COL22A1: variants seen among roughly 807,000 people sequenced by gnomAD.
COL22A1 encodes the protein collagen alpha-1(XXII) chain.
COL22A1 carries 221 observed loss-of-function variants against 248.9 expected under a neutral mutation model. The observed-to-expected ratio is 0.89, with a 90% CI of 0.80 to 0.99. COL22A1 has a LOEUF of 0.99. COL22A1 is among the 50% of genes least tolerant of loss of function. The probability of loss-of-function intolerance (pLI) is 0.00; values close to 1 mark genes in which losing one functional copy is unlikely to be tolerated. For synonymous variants in COL22A1, 891 were observed against 793.4 expected, an observed-to-expected ratio of 1.12 and a Z score of -2.07; for missense variants, 2,240 against 2,179.0, an observed-to-expected ratio of 1.03 and a Z score of -0.56.
chr8:138,688,049 G>T (rs1289223003), intron 37 of COL22A1, among the ~76,000 whole-genome samples: 1 of 152,210 alleles, frequency 6.6e-6, no homozygotes, highest in East Asian at 1.9e-4. Flanking sequence ...ATTCAAATGA[G>T]TACGTCTGAT....
chr8:138,716,282 G>C lies in COL22A1; in HGVS notation c.2408C>G (p.Ala803Gly), dbSNP rs761120592. The change falls in exon 29 of 65, where the codon GCA becomes GGA. Residue 803 changes from alanine (A) to glycine (G), a missense_variant. Ala to Gly is a moderately conservative substitution (Grantham distance 60). Transcript: ENST00000303045. Reference protein sequence around the residue: ...LAGRPGEKGEAGLPGAPGFPG... With the variant: ...LAGRPGEKGEGGLPGAPGFPG... ...GAAGCCTGGAGCCCCTGGGAGGCCTGCTTCTCCCTGTGAGAACAAAATATT... is the reference window on the plus strand; with the variant it reads ...GAAGCCTGGAGCCCCTGGGAGGCCTCCTTCTCCCTGTGAGAACAAAATATT... The C allele has an allele frequency of 6.3e-7, 1 of 1,587,800 alleles. No homozygotes were observed. Among genetic ancestry groups the C allele is most frequent in the Non-Finnish European group, 8.6e-7 (1 of 1,165,044 alleles).
At chr8:138,810,624 G>C (rs1818129306) in intron 9 of COL22A1, among the ~76,000 whole-genome samples, 1 of 152,174 alleles carries the variant, frequency 6.6e-6, no homozygotes, top group Non-Finnish European at 1.5e-5. Flanking sequence ...CCTCCAGCAA[G>C]GGAGGCCAGA....
intron 23 of COL22A1, among the ~76,000 whole-genome samples, chr8:138,730,202 G>A (rs558537008): frequency 2.0e-5 from 3 of 152,350 alleles, no homozygotes; most frequent in East Asian, 3.9e-4. Flanking sequence ...CAGGGTCTGG[G>A]AAGATTCACA....
chr8:138,860,634 C>T (rs548021365), intron 3 of COL22A1, among the ~76,000 whole-genome samples: 5 of 152,220 alleles, frequency 3.3e-5, no homozygotes, highest in East Asian at 3.9e-4. Context: ...ATAGTGAAAC[C>T]CCATCTCTAC....
intron 12 of COL22A1, among the ~76,000 whole-genome samples, chr8:138,793,645 T>C (rs1464875458): frequency 4.6e-5 from 7 of 152,224 alleles, no homozygotes; most frequent in Non-Finnish European, 8.8e-5. Flanking sequence ...ACATCGAAGA[T>C]GTGAGGAGGT....
chr8:138,767,953 G>T (rs1834037086), intron 16 of COL22A1, among the ~76,000 whole-genome samples: 1 of 152,214 alleles, frequency 6.6e-6, no homozygotes, highest in Non-Finnish European at 1.5e-5. Flanking sequence ...TAACATGGGT[G>T]CTAGAACTGA....
At chr8:138,875,065 T>C (rs1823611430) in intron 3 of COL22A1, among the ~76,000 whole-genome samples, 1 of 152,072 alleles carries the variant, frequency 6.6e-6, no homozygotes, top group Admixed American at 6.6e-5. Context: ...TTCTGACACA[T>C]AAGGCAAGCC....
At chr8:138,901,953 C>A (rs552618229) in intron 1 of COL22A1, among the ~76,000 whole-genome samples, 70 of 152,100 alleles carry the variant, frequency 4.6e-4, no homozygotes, top group African/African-American at 1.6e-3. Context: ...AAGCGAGCTC[C>A]CCATGAGTCA....
At chr8:138,654,589 C>A (rs1280692406) in intron 45 of COL22A1, among the ~76,000 whole-genome samples, 1 of 152,052 alleles carries the variant, frequency 6.6e-6, no homozygotes, top group Non-Finnish European at 1.5e-5. Flanking sequence ...GACCCTTCAC[C>A]CAGAGTTACG....
chr8:138,824,879 T>C (rs146317545), intron 6 of COL22A1, among the ~76,000 whole-genome samples: 164 of 152,316 alleles, frequency 1.1e-3, no homozygotes, highest in Non-Finnish European at 2.0e-3. Context: ...GTGTGCCTCT[T>C]CAGACAGGAA....
At chr8:138,661,566 A>C (rs1031641830) in intron 43 of COL22A1, among the ~76,000 whole-genome samples, 1 of 152,170 alleles carries the variant, frequency 6.6e-6, no homozygotes, top group African/African-American at 2.4e-5. Context: ...AGGCCAAACA[A>C]TGGAGACAAG....
rs117256395 is a variant in COL22A1 at position 138,660,465 on chromosome 8, G to C, written c.3256C>G (p.Pro1086Ala). The C allele has an allele frequency of 4.3e-3, 6,898 of 1,613,292 alleles. 22 individuals are homozygous for C. The highest frequency in any genetic ancestry group is 6.9e-3 in the Middle Eastern group (42 of 6,058). Residue 1086 changes from proline to alanine, a missense_variant, in exon 44 of 65, where the codon CCA becomes GCA. Pro to Ala is a conservative substitution (Grantham distance 27). Coordinates refer to ENST00000303045, the MANE Select transcript of COL22A1 (RefSeq NM_152888.3). ...PAGRDGAPGN[P>A]GERGPPGKPG... ...TTGCCAGGAGGCCCTCTTTCTCCTG[G>C]ATTTCCTGGTGCACCCTAAGAGAAG...
At chr8:138,902,739 T>TACAC (rs35023865) in intron 1 of COL22A1, among the ~76,000 whole-genome samples, 1,443 of 93,816 alleles carry the variant, frequency 0.015, 33 homozygotes, top group Middle Eastern at 0.021. Flanking sequence ...TATATATATA[T>TACAC]ACACACACAC....
chr8:138,668,981 C>T (rs1490219557), intron 41 of COL22A1, among the ~76,000 whole-genome samples: 2 of 152,176 alleles, frequency 1.3e-5, no homozygotes, highest in Admixed American at 1.3e-4. Flanking sequence ...CAGAGGAGAA[C>T]ACTACGCAAA....
intron 12 of COL22A1, among the ~76,000 whole-genome samples, chr8:138,792,576 C>A (rs1478141436): frequency 2.6e-5 from 4 of 152,184 alleles, no homozygotes; most frequent in Non-Finnish European, 5.9e-5. Context: ...AGTACTGAGT[C>A]CATTCTAATG....
chr8:138,599,695 A>G (rs1372997685), intron 60 of COL22A1, among the ~76,000 whole-genome samples: 3 of 152,170 alleles, frequency 2.0e-5, no homozygotes. Context: ...ACTGCACTCT[A>G]GCCTGCGTGA....
chr8:138,889,259 C>T (rs1273589794), intron 1 of COL22A1, among the ~76,000 whole-genome samples: 1 of 152,136 alleles, frequency 6.6e-6, no homozygotes, highest in Non-Finnish European at 1.5e-5. Flanking sequence ...ACAACAAATC[C>T]AAATATTAGC....
intron 51 of COL22A1, among the ~76,000 whole-genome samples, chr8:138,625,938 T>G (rs1055081542): frequency 2.6e-5 from 4 of 152,160 alleles, no homozygotes. Flanking sequence ...AGAGAAAAAT[T>G]ACTATTTAAA....
intron 41 of COL22A1, among the ~76,000 whole-genome samples, chr8:138,664,094 T>C (rs1420305263): frequency 6.6e-6 from 1 of 151,286 alleles, no homozygotes; most frequent in East Asian, 2.0e-4. Context: ...CACTGGCTCT[T>C]TCTGCTTGGG....
Sources: allele counts gnomAD v4.1 joint callset (sites outside exome capture counted in the v4.1 genomes callset), GRCh38; gene constraint gnomAD v4.1.1; transcripts MANE v1.5; gene names NCBI Gene and HGNC (gene_info 2026-07-23, HGNC 2026-07-21).